Variants in DGKI observed in about 807,000 individuals in gnomAD.
DGKI encodes the protein DAG kinase iota.
Under a neutral mutation model 147.5 loss-of-function variants are expected in DGKI, and 55 were observed. The observed-to-expected ratio is 0.37, with a 90% CI of 0.30 to 0.47. The LOEUF is 0.47. Ranked by LOEUF, DGKI falls within the 20% of genes least tolerant of loss-of-function variation. The probability of loss-of-function intolerance (pLI) is 1.00; values close to 1 mark genes in which losing one functional copy is unlikely to be tolerated. For missense variants in DGKI, 1,007 were observed against 1,323.8 expected (o/e 0.76, Z 3.71); for synonymous variants, 469 against 477.1 (o/e 0.98, Z 0.22).
intron 2 of DGKI, among the ~76,000 whole-genome samples, chr7:137,688,016 T>G (rs539366951): frequency 7.9e-5 from 12 of 152,196 alleles, no homozygotes; most frequent in African/African-American, 2.6e-4. Flanking sequence ...AATATTAGAG[T>G]ACATACCTCT....
chr7:137,434,454 G>C (rs914424894), intron 28 of DGKI, among the ~76,000 whole-genome samples: 1 of 151,772 alleles, frequency 6.6e-6, no homozygotes, highest in African/African-American at 2.4e-5. Flanking sequence ...GGTGGTGCAC[G>C]CCTGTAATCC....
chr7:137,661,461 C>T (rs1822426080), intron 3 of DGKI, among the ~76,000 whole-genome samples: 1 of 151,946 alleles, frequency 6.6e-6, no homozygotes, highest in African/African-American at 2.4e-5. Flanking sequence ...CATAAGGGGG[C>T]AGATGGGGCA....
chr7:137,791,095 G>A (rs1483613341), intron 1 of DGKI, among the ~76,000 whole-genome samples: 1 of 152,114 alleles, frequency 6.6e-6, no homozygotes, highest in Non-Finnish European at 1.5e-5. Flanking sequence ...CCACATCTCA[G>A]TAACTCTCAC....
intron 21 of DGKI, among the ~76,000 whole-genome samples, chr7:137,514,270 G>A (rs958641653): frequency 3.3e-5 from 5 of 152,190 alleles, no homozygotes; most frequent in Middle Eastern, 3.4e-3. Context: ...AATCTTATGG[G>A]ACCACTGTTG....
chr7:137,760,061 A>G (rs1194196140), intron 1 of DGKI, among the ~76,000 whole-genome samples: 2 of 152,142 alleles, frequency 1.3e-5, no homozygotes, highest in Non-Finnish European at 2.9e-5. Flanking sequence ...TCGACAGGGA[A>G]TCCTCCTAAT....
intron 23 of DGKI, among the ~76,000 whole-genome samples, chr7:137,476,214 T>G (rs1815166509): frequency 6.6e-6 from 1 of 152,192 alleles, no homozygotes; most frequent in Non-Finnish European, 1.5e-5. Flanking sequence ...CACCTACAGC[T>G]TCTGCCCTGA....
intron 1 of DGKI, among the ~76,000 whole-genome samples, chr7:137,767,501 A>AGAAGG (rs1796050760): frequency 6.7e-6 from 1 of 148,620 alleles, no homozygotes; most frequent in South Asian, 2.2e-4. Context: ...AGAAGAGAAG[A>AGAAGG]GAAGAGAAGA....
Position 137,585,399 on chromosome 7 carries a change from C to A in DGKI, c.1426-53G>T, listed in dbSNP as rs540531701. 46 of 1,572,960 alleles carry A rather than the reference C, an allele frequency of 2.9e-5. No individual in the cohort carries two copies. The South Asian group carries it at 4.9e-4, about 17-fold the overall frequency. On this transcript the variant is annotated intron_variant, in intron 13 of 32. Coordinates refer to ENST00000614521, the MANE Select transcript of DGKI (RefSeq NM_001321708.2). ...CTGTCCAGAGTGGAGAACAGTGAAG[C>A]CAATGCTATTTTACGCAAGGAAGAG...
chr7:137,586,486 C>T (rs1819402408), intron 13 of DGKI, among the ~76,000 whole-genome samples: 1 of 151,688 alleles, frequency 6.6e-6, no homozygotes, highest in Admixed American at 6.6e-5. Flanking sequence ...TATATATACA[C>T]AGTGTGTGTA....
chr7:137,493,867 G>C (rs1388152003), intron 21 of DGKI: 1 of 682,394 alleles, frequency 1.5e-6, no homozygotes, highest in Non-Finnish European at 2.7e-6. Flanking sequence ...TCAGAATATG[G>C]ACAGGAATGA....
intron 11 of DGKI, 87 bp downstream of exon 11, chr7:137,599,736 T>C: frequency 1.7e-6 from 2 of 1,207,336 alleles, no homozygotes; most frequent in Non-Finnish European, 2.4e-6. Context: ...GGTCAGGATA[T>C]ACCTCACAAG....
chr7:137,457,757 T>C (rs1187349433), intron 27 of DGKI, among the ~76,000 whole-genome samples: 2 of 152,192 alleles, frequency 1.3e-5, no homozygotes, highest in African/African-American at 2.4e-5. Flanking sequence ...ATTTGAGAGA[T>C]ATTTCTGGTT....
intron 12 of DGKI, among the ~76,000 whole-genome samples, chr7:137,591,236 A>G (rs369664794): frequency 6.6e-6 from 1 of 152,232 alleles, no homozygotes; most frequent in African/African-American, 2.4e-5. Flanking sequence ...TGCTTTATGA[A>G]CCGGATAAAT....
intron 1 of DGKI, among the ~76,000 whole-genome samples, chr7:137,824,803 T>A (rs1349797286): frequency 6.6e-6 from 1 of 152,204 alleles, no homozygotes; most frequent in Non-Finnish European, 1.5e-5. Flanking sequence ...AGTGAGAGCA[T>A]GCAGTATTTG....
At chr7:137,529,287 G>A (rs1004866032) in intron 20 of DGKI, among the ~76,000 whole-genome samples, 4 of 151,962 alleles carry the variant, frequency 2.6e-5, no homozygotes, top group Admixed American at 6.6e-5. Context: ...TGTAATCTAC[G>A]CATGTAACAA....
At chr7:137,527,649 C>T (rs913879417) in intron 20 of DGKI, among the ~76,000 whole-genome samples, 2 of 152,218 alleles carry the variant, frequency 1.3e-5, no homozygotes, top group East Asian at 1.9e-4. Flanking sequence ...CCTTGTAACA[C>T]GCACTATGTA....
chr7:137,489,472 C>G (rs980786263), intron 21 of DGKI, among the ~76,000 whole-genome samples: 1 of 152,020 alleles, frequency 6.6e-6, no homozygotes, highest in Non-Finnish European at 1.5e-5. Context: ...TTCAGCATGG[C>G]AATCATGCAT....
chr7:137,420,899 G>A (rs2128905894), intron 28 of DGKI, among the ~76,000 whole-genome samples: 1 of 152,202 alleles, frequency 6.6e-6, no homozygotes, highest in South Asian at 2.1e-4. Flanking sequence ...GAAGCCTGTA[G>A]TCCCAGCTAC....
intron 28 of DGKI, among the ~76,000 whole-genome samples, chr7:137,443,633 G>A (rs918944237): frequency 6.6e-6 from 1 of 152,146 alleles, no homozygotes; most frequent in African/African-American, 2.4e-5. Context: ...CTTCCTTTCA[G>A]ATTTAGAGTG....
Sources: gnomAD v4.1 joint callset for allele counts (sites outside exome capture counted in the v4.1 genomes callset) on GRCh38, gnomAD v4.1.1 for gene constraint, MANE v1.5 for transcripts, NCBI Gene and HGNC (gene_info 2026-07-23, HGNC 2026-07-21) for gene names.